The following USP15 variants were observed in gnomAD, a reference collection of about 807,000 sequenced individuals.
USP15 encodes the protein ubiquitin carboxyl-terminal hydrolase 15.
In USP15, 18 loss-of-function variants were observed where a neutral mutation model predicts 127.1. That is an observed-to-expected ratio of 0.14 (90% CI 0.10 to 0.21). The LOEUF (loss-of-function observed/expected upper bound fraction) is 0.21, where lower values mean the gene tolerates loss of function less well. USP15 is among the 10% of genes least tolerant of loss of function. The pLI is 1.00. For missense variants in USP15, 805 were observed against 1,159.9 expected (o/e 0.69, Z 4.44); for synonymous variants, 364 against 393.7 (o/e 0.92, Z 0.89).
chr12:62,334,260 A>G (rs1392021244), intron 6 of USP15: 1 of 152,202 alleles, frequency 6.6e-6, no homozygotes, highest in East Asian at 1.9e-4. Context: ...TGTATGTTTC[A>G]AAATTTCTGT....
In USP15 at chr12:62,392,307, T is replaced by A. The variant is rs2067351082; in HGVS notation, c.2340T>A (p.Pro780=). ...AACATGAAAGTGTGGAGTATAAACCTCCTAAAAAACCCTTTGTGAAATTAA... is the reference window on the plus strand; with the variant it reads ...AACATGAAAGTGTGGAGTATAAACCACCTAAAAAACCCTTTGTGAAATTAA... The part of the protein sequence containing the change: ...FEKHESVEYK[P]PKKPFVKLKD... The change falls in exon 18 of 22, where the codon CCT becomes CCA. Residue 780 remains proline (P), a synonymous_variant. Coordinates refer to ENST00000280377, the MANE Select transcript of USP15 (RefSeq NM_001252078.2). 1 of 1,606,922 alleles carries A rather than the reference T, an allele frequency of 6.2e-7. No homozygotes were observed. Among genetic ancestry groups the A allele is most frequent in the Non-Finnish European group, 8.5e-7 (1 of 1,177,770 alleles).
At chr12:62,393,407 G>C (rs1242751828) in intron 19 of USP15, among the ~76,000 whole-genome samples, 2 of 152,012 alleles carry the variant, frequency 1.3e-5, no homozygotes, top group East Asian at 3.8e-4. Context: ...AAAGATCAAA[G>C]AGAAAATATA....
rs1266807108 is a variant in USP15, at chr12:62,408,766, TTTA to T, written c.*4396_*4398del. 6.6e-6 allele frequency: 1 copy of T among 152,082 alleles called. No homozygotes were observed. Among genetic ancestry groups the T allele is most frequent in the Non-Finnish European group, 1.5e-5 (1 of 68,002 alleles). The allele number at this position is 152,082 out of a possible 1,614,324, so 9.4% of individuals were successfully genotyped here. On this transcript the variant is annotated 3_prime_UTR_variant, in exon 22 of 22. Transcript: ENST00000280377. ...GTTGCAGATCTATATTATATATCAT[TTTA>T]TTATCAGATTTTCTAGTGAGAAATA...
chr12:62,395,784 A>G (rs145135077), intron 19 of USP15, among the ~76,000 whole-genome samples: 147 of 151,796 alleles, frequency 9.7e-4, no homozygotes, highest in African/African-American at 3.3e-3. Context: ...TTGATTTAAC[A>G]TAATCTCCAG....
chr12:62,321,757 G>A, intron 5 of USP15, 148 bp downstream of exon 5: 2 of 547,112 alleles, frequency 3.7e-6, no homozygotes, highest in Non-Finnish European at 5.6e-6. Flanking sequence ...GCTGGTTACT[G>A]ACTCTGACTT....
Position 62,264,543 on chromosome 12 carries a change from G to A in USP15, c.89+4040G>A, listed in dbSNP as rs191373076. On this transcript the variant is annotated intron_variant, in intron 1 of 21. Coordinates refer to ENST00000280377, the MANE Select transcript of USP15 (RefSeq NM_001252078.2). ...ACTTTACAGAGTAAGTAATTTGTGT[G>A]TGAAGTCATTTAAAATCTCTGTGAC... 2.6e-4 allele frequency among the ~76,000 whole-genome samples: 40 copies of A among 152,290 alleles called. No individual in the cohort carries two copies. The East Asian group carries it at 7.3e-3, about 28-fold the overall frequency.
intron 3 of USP15, among the ~76,000 whole-genome samples, chr12:62,309,706 G>T (rs1304039924): frequency 6.6e-6 from 1 of 151,914 alleles, no homozygotes; most frequent in Admixed American, 6.6e-5. Flanking sequence ...GGACAAAAAT[G>T]ACCAAGGTGG....
At position 62,413,924 on chromosome 12, in the gene USP15, A is replaced by T. The variant is rs1330989511; in HGVS notation, c.*9549A>T. On this transcript the variant is annotated 3_prime_UTR_variant, in exon 22 of 22. Transcript: ENST00000280377. Reference sequence around the variant, plus strand: ...TTTATAGCATTTGATTGAGAGAGAGAGAGAGATGTACAGCTCTTCACCTGA... The same window carrying T: ...TTTATAGCATTTGATTGAGAGAGAGTGAGAGATGTACAGCTCTTCACCTGA... 1 of 152,194 alleles carries T rather than the reference A, an allele frequency of 6.6e-6. No homozygotes were observed. Among genetic ancestry groups the T allele is most frequent in the Non-Finnish European group, 1.5e-5 (1 of 68,040 alleles). 9.4% of individuals were successfully genotyped at this position (152,194 alleles called of 1,614,324 possible).
intron 11 of USP15, among the ~76,000 whole-genome samples, chr12:62,388,472 A>G (rs2067226099): frequency 1.3e-5 from 2 of 152,198 alleles, no homozygotes; most frequent in Admixed American, 1.3e-4. Flanking sequence ...AAATGAGAGA[A>G]TAACCACATG....
chr12:62,389,357 C>T, intron 11 of USP15, 74 bp from the exon 12 acceptor site: 1 of 1,241,866 alleles, frequency 8.1e-7, no homozygotes. Context: ...GAGATAGCAA[C>T]CATGAGGTCA....
At chr12:62,277,988 G>T (rs1382230088) in intron 1 of USP15, among the ~76,000 whole-genome samples, 7 of 152,030 alleles carry the variant, frequency 4.6e-5, no homozygotes, top group Admixed American at 4.6e-4. Flanking sequence ...TGACTCGTTT[G>T]TTATAACACT....
chr12:62,349,262 C>T lies in USP15; in HGVS notation c.725C>T (p.Ser242Phe). 6.6e-7 allele frequency: 1 copy of T among 1,506,446 alleles called. No homozygotes were observed. Among genetic ancestry groups the T allele is most frequent in the Non-Finnish European group, 8.8e-7 (1 of 1,131,710 alleles). The allele number at this position is 1,506,446 out of a possible 1,614,324, so 93.3% of individuals were successfully genotyped here. A position where few individuals can be genotyped will look rare whatever the true frequency, so the allele number is the denominator to read the frequency against. ...AATTTTTCAACTTTACCAAAGATCT[C>T]TCCTTCATCTCTATCAAATAATTAT... Reference protein sequence around the residue: ...ASNFSTLPKISPSSLSNNYNN... With the variant: ...ASNFSTLPKIFPSSLSNNYNN... Residue 242 changes from serine to phenylalanine, a missense_variant, in exon 7 of 22, where the codon TCT (serine) becomes TTT (phenylalanine). Coordinates refer to ENST00000280377, the MANE Select transcript of USP15 (RefSeq NM_001252078.2).
In USP15 at chr12:62,392,936, T is replaced by C. The variant is rs1007863727; in HGVS notation, c.2421-117T>C. 41 of 1,105,374 alleles carry C rather than the reference T, an allele frequency of 3.7e-5. No homozygotes were observed. In the Admixed American group the frequency reaches 3.7e-4, roughly 10 times the overall value. 68.5% of individuals were successfully genotyped at this position (1,105,374 alleles called of 1,614,324 possible). ...CTTTCAACCTGGTACATATTAGGCA[T>C]ACTATAATTGCCCACTGAATAAATG... On this transcript the variant is annotated intron_variant, in intron 18 of 21. Transcript: ENST00000280377.
At chr12:62,326,497 G>T (rs1398024996) in intron 6 of USP15, among the ~76,000 whole-genome samples, 1 of 152,136 alleles carries the variant, frequency 6.6e-6, no homozygotes, top group Admixed American at 6.5e-5. Flanking sequence ...GCTCTAAGAA[G>T]TAATATGGTA....
intron 2 of USP15, among the ~76,000 whole-genome samples, chr12:62,302,560 AG>A (rs1174697132): frequency 6.6e-6 from 1 of 152,074 alleles, no homozygotes; most frequent in African/African-American, 2.4e-5. Flanking sequence ...AAACATTATG[AG>A]TTTTTTTTTA....
At chr12:62,379,291 A>G (rs748809283) in intron 8 of USP15, among the ~76,000 whole-genome samples, 9 of 152,068 alleles carry the variant, frequency 5.9e-5, no homozygotes, top group Non-Finnish European at 1.3e-4. Flanking sequence ...GACTAATTAA[A>G]TAAAGCTGGA....
chr12:62,409,360 TA>T lies in USP15; in HGVS notation c.*4986del, dbSNP rs1313737557. Reference sequence around the variant, plus strand: ...AGAAAATCAGTCAAATGGGTTTTGATATTTTTTTTTCCTAGAAATGTGTAGC... The same window carrying T: ...AGAAAATCAGTCAAATGGGTTTTGATTTTTTTTTTCCTAGAAATGTGTAGC... On this transcript the variant is annotated 3_prime_UTR_variant, in exon 22 of 22. Transcript: ENST00000280377. 5.3e-5 allele frequency: 8 copies of T among 152,304 alleles called. No homozygotes were observed. The highest frequency in any genetic ancestry group is 9.6e-5 in the African/African-American group (4 of 41,566). 9.4% of individuals were successfully genotyped at this position (152,304 alleles called of 1,614,324 possible).
In USP15 at chr12:62,302,795, G is replaced by C. The variant is rs200039845; in HGVS notation, c.223G>C (p.Asp75His). 2.5e-6 allele frequency: 4 copies of C among 1,607,446 alleles called. No individual in the cohort carries two copies. The highest frequency in any genetic ancestry group is 3.4e-6 in the Non-Finnish European group (4 of 1,176,164). ...IDNSGLLKDG[D>H]AQSLKEHLID... is the part of the protein sequence containing the mutation. ...GTTTATTTTTTCTTTTGCAGATGGTGATGCCCAGTCACTTAAGGAACACCT... is the reference window on the plus strand; with the variant it reads ...GTTTATTTTTTCTTTTGCAGATGGTCATGCCCAGTCACTTAAGGAACACCT... Residue 75 changes from aspartate (D) to histidine (H), a missense_variant, in exon 3 of 22, where the codon GAT becomes CAT. Transcript: ENST00000280377.
At chr12:62,270,602 C>T (rs1000050017) in intron 1 of USP15, among the ~76,000 whole-genome samples, 2 of 152,072 alleles carry the variant, frequency 1.3e-5, no homozygotes, top group African/African-American at 4.8e-5. Context: ...TGTCCCAAAA[C>T]TATTTGTCAA....
Sources: allele counts gnomAD v4.1 joint callset (sites outside exome capture counted in the v4.1 genomes callset), GRCh38; gene constraint gnomAD v4.1.1; transcripts MANE v1.5; gene names NCBI Gene and HGNC (gene_info 2026-07-23, HGNC 2026-07-21).